The following PKNOX2 variants were observed in gnomAD, a reference collection of about 807,000 sequenced individuals.
PKNOX2 encodes homeobox protein PKNOX2.
Under a neutral mutation model 53.1 loss-of-function variants are expected in PKNOX2, and 14 were observed. The observed-to-expected ratio is 0.26, with a 90% CI of 0.17 to 0.41. The LOEUF (loss-of-function observed/expected upper bound fraction) is 0.41, where lower values mean the gene tolerates loss of function less well. PKNOX2 is among the 10% of genes least tolerant of loss of function. The pLI is 1.00. For missense variants in PKNOX2, 496 were observed against 602.8 expected, an observed-to-expected ratio of 0.82 and a Z score of 1.85; for synonymous variants, 257 against 242.8, an observed-to-expected ratio of 1.06 and a Z score of -0.54.
At position 125,165,161 on chromosome 11, in the gene PKNOX2, GCC is replaced by G. The variant is rs1211758831; in HGVS notation, c.-201+386_-201+387del. The stretch of plus-strand genomic sequence containing the variant: ...AGCGCTCAGCCCCGCCGCCGCCGCC[GCC>G]GCCGCCTCGCCGCGCTTGGGCCCGT... On this transcript the variant is annotated intron_variant, in intron 1 of 12. Transcript: ENST00000298282. This position sits in a 1 kb window ranked among gnomAD's most constrained non-coding sequence, Gnocchi z 4.5. 6.7e-6 allele frequency among the ~76,000 whole-genome samples: 1 copy of G among 148,874 alleles called. No homozygotes were observed.
At chr11:125,357,229 G>C (rs1951667935) in intron 4 of PKNOX2, among the ~76,000 whole-genome samples, 2 of 152,024 alleles carry the variant, frequency 1.3e-5, no homozygotes, top group South Asian at 4.2e-4. Flanking sequence ...GCCTGCTTGG[G>C]CCACCCATGT....
chr11:125,191,146 C>G (rs1956853283), intron 1 of PKNOX2: 1 of 152,124 alleles, frequency 6.6e-6, no homozygotes, highest in Admixed American at 6.5e-5. Context: ...AATAACATAG[C>G]TTATACTCTT....
intron 3 of PKNOX2, among the ~76,000 whole-genome samples, chr11:125,348,377 C>G (rs12164805): frequency 0.067 from 10,206 of 152,264 alleles, 526 homozygotes; most frequent in African/African-American, 0.14. Flanking sequence ...AAACTTAAGC[C>G]TCTAATGAAA....
intron 2 of PKNOX2, among the ~76,000 whole-genome samples, chr11:125,284,884 T>G (rs1220419125): frequency 6.6e-6 from 1 of 152,140 alleles, no homozygotes; most frequent in Non-Finnish European, 1.5e-5. Context: ...GTTTCCCTAC[T>G]GAGGTTCCCT....
chr11:125,301,747 T>A lies in PKNOX2; in HGVS notation c.-129-30072T>A, dbSNP rs190635640. On this transcript the variant is annotated intron_variant, in intron 2 of 12. Transcript: ENST00000298282. ...GGACTCAGCTTGGGCACAAGGCAGG[T>A]GGTGCCAGGCCAGTGGAGAGGAGAC... Among the ~76,000 whole-genome samples the A allele has an allele frequency of 1.2e-4, 19 of 152,056 alleles. No homozygotes were observed. The East Asian group carries it at 3.5e-3, about 28-fold the overall frequency.
At chr11:125,365,578 G>A (rs985762419) in intron 4 of PKNOX2, among the ~76,000 whole-genome samples, 3 of 152,086 alleles carry the variant, frequency 2.0e-5, no homozygotes, top group Non-Finnish European at 2.9e-5. Context: ...CCTGTTTCAC[G>A]GCATTCATAA....
At chr11:125,235,553 G>T (rs1942605167) in intron 2 of PKNOX2, among the ~76,000 whole-genome samples, 1 of 152,222 alleles carries the variant, frequency 6.6e-6, no homozygotes, top group South Asian at 2.1e-4. Flanking sequence ...GAGGCATGAG[G>T]GAGGAAAAAG....
chr11:125,248,484 A>T (rs920184816), intron 2 of PKNOX2, among the ~76,000 whole-genome samples: 3 of 152,068 alleles, frequency 2.0e-5, no homozygotes, highest in Admixed American at 6.6e-5. Context: ...TTGTATTTTT[A>T]AAAAATCTTA....
chr11:125,300,555 C>A (rs11606548), intron 2 of PKNOX2, among the ~76,000 whole-genome samples: 1,657 of 151,572 alleles, frequency 0.011, 23 homozygotes, highest in Non-Finnish European at 0.012. Context: ...AAGGTGTGTG[C>A]GTGCACAGAG....
intron 4 of PKNOX2, among the ~76,000 whole-genome samples, chr11:125,351,814 A>T (rs1591538629): frequency 6.6e-6 from 1 of 151,970 alleles, no homozygotes; most frequent in East Asian, 1.9e-4. Flanking sequence ...CAGGCCCCCC[A>T]TTCTCGGGTC....
At chr11:125,403,695 G>A (rs764650615) in intron 7 of PKNOX2, among the ~76,000 whole-genome samples, 7 of 152,204 alleles carry the variant, frequency 4.6e-5, no homozygotes, top group Non-Finnish European at 8.8e-5. Flanking sequence ...ATGGGGAGAA[G>A]AATCAGGGGT....
chr11:125,246,793 C>T (rs775419513), intron 2 of PKNOX2, among the ~76,000 whole-genome samples: 5 of 152,164 alleles, frequency 3.3e-5, no homozygotes, highest in Non-Finnish European at 7.3e-5. Flanking sequence ...GTCTACTTTT[C>T]CCTCTTAGGC....
At chr11:125,386,305 C>T (rs1953627867) in intron 6 of PKNOX2, among the ~76,000 whole-genome samples, 1 of 152,178 alleles carries the variant, frequency 6.6e-6, no homozygotes, top group Admixed American at 6.5e-5. Context: ...TTCTAGGCCA[C>T]ACCGCCTGGG....
chr11:125,419,941 T>A (rs889188167), intron 10 of PKNOX2, among the ~76,000 whole-genome samples: 2 of 149,546 alleles, frequency 1.3e-5, no homozygotes, highest in African/African-American at 5.0e-5. Flanking sequence ...ATGCCAGCAC[T>A]TTGGGAGGCT....
chr11:125,319,921 C>T (rs1282334447), intron 2 of PKNOX2, among the ~76,000 whole-genome samples: 1 of 152,154 alleles, frequency 6.6e-6, no homozygotes, highest in Non-Finnish European at 1.5e-5. Context: ...GTGGGAAGGG[C>T]CAGACTGACC....
At chr11:125,264,935 A>G (rs1945193722) in intron 2 of PKNOX2, among the ~76,000 whole-genome samples, 1 of 152,248 alleles carries the variant, frequency 6.6e-6, no homozygotes, top group East Asian at 1.9e-4. Context: ...GGGCGTAAAG[A>G]AAGTTCCAAA....
At chr11:125,269,248 C>T (rs1190631466) in intron 2 of PKNOX2, among the ~76,000 whole-genome samples, 1 of 152,036 alleles carries the variant, frequency 6.6e-6, no homozygotes, top group Non-Finnish European at 1.5e-5. Flanking sequence ...AAGATGTCCC[C>T]CTCTCTCCAC....
chr11:125,333,557 C>CACACACACACAA (rs1352471040), intron 3 of PKNOX2, among the ~76,000 whole-genome samples: 2 of 151,768 alleles, frequency 1.3e-5, no homozygotes, highest in African/African-American at 4.8e-5. Flanking sequence ...CATACACACA[C>CACACACACACAA]ACACACACAC....
chr11:125,303,517 C>T (rs1046875895), intron 2 of PKNOX2, among the ~76,000 whole-genome samples: 4 of 152,124 alleles, frequency 2.6e-5, no homozygotes, highest in Non-Finnish European at 4.4e-5. Context: ...TCTGGCGCTG[C>T]CTGGGCCTCT....
Sources: allele counts gnomAD v4.1 joint callset (sites outside exome capture counted in the v4.1 genomes callset), GRCh38; gene constraint gnomAD v4.1.1; non-coding constraint Gnocchi (gnomAD v3.1); transcripts MANE v1.5; gene names NCBI Gene and HGNC (gene_info 2026-07-23, HGNC 2026-07-21).